Variants in PRKAR2A observed in about 807,000 individuals in gnomAD.
PRKAR2A encodes the protein protein kinase cAMP-dependent type II regulatory subunit alpha, also known as cAMP-dependent protein kinase type II-alpha regulatory subunit.
A neutral mutation model predicts 51.9 loss-of-function variants in PRKAR2A; 29 were observed. That is an observed-to-expected ratio of 0.56 (90% CI 0.42 to 0.76). The LOEUF (loss-of-function observed/expected upper bound fraction) is 0.76. PRKAR2A is among the 30% of genes least tolerant of loss of function. PRKAR2A has a pLI of 0.00. For synonymous variants in PRKAR2A, 178 were observed against 186.2 expected (o/e 0.96, Z 0.36); for missense variants, 445 against 512.1 (o/e 0.87, Z 1.26).
At chr3:48,844,302 A>G (rs1319745121) in intron 1 of PRKAR2A, among the ~76,000 whole-genome samples, 4 of 151,858 alleles carry the variant, frequency 2.6e-5, no homozygotes, top group Admixed American at 6.6e-5. Context: ...ATCTCACACC[A>G]GTTAGAATGG....
intron 5 of PRKAR2A, among the ~76,000 whole-genome samples, chr3:48,774,062 G>A (rs539301692): frequency 4.5e-4 from 68 of 152,018 alleles, no homozygotes; most frequent in African/African-American, 1.6e-3. Context: ...GGAACTCCTG[G>A]GCTCAAGCAA....
At chr3:48,811,870 A>C (rs2107373484) in intron 1 of PRKAR2A, among the ~76,000 whole-genome samples, 1 of 152,288 alleles carries the variant, frequency 6.6e-6, no homozygotes, top group African/African-American at 2.4e-5. Flanking sequence ...CTCAAAAAAG[A>C]CCACATATTG....
intron 1 of PRKAR2A, among the ~76,000 whole-genome samples, chr3:48,812,500 T>C (rs966929018): frequency 6.6e-6 from 1 of 151,764 alleles, no homozygotes; most frequent in Non-Finnish European, 1.5e-5. Context: ...TTTTTTTTTT[T>C]TTTCGAGACT....
At chr3:48,753,220 C>T (rs188927005) in intron 9 of PRKAR2A, among the ~76,000 whole-genome samples, 1 of 151,444 alleles carries the variant, frequency 6.6e-6, no homozygotes, top group Admixed American at 6.6e-5. Context: ...GGCACTCCCC[C>T]CTCCCATTTT....
At chr3:48,842,397 G>C (rs994217994) in intron 1 of PRKAR2A, among the ~76,000 whole-genome samples, 6 of 152,048 alleles carry the variant, frequency 3.9e-5, no homozygotes, top group Admixed American at 6.6e-5. Flanking sequence ...TAACTGAATA[G>C]CCTTTATTTC....
At chr3:48,769,399 C>G (rs888282557) in intron 6 of PRKAR2A, among the ~76,000 whole-genome samples, 2 of 151,682 alleles carry the variant, frequency 1.3e-5, no homozygotes, top group African/African-American at 4.8e-5. Flanking sequence ...CCTCATGATC[C>G]GCCCGCCTTG....
chr3:48,802,247 G>C (rs1354894161), intron 2 of PRKAR2A, among the ~76,000 whole-genome samples: 1 of 152,036 alleles, frequency 6.6e-6, no homozygotes, highest in Non-Finnish European at 1.5e-5. Context: ...TCACCATGTT[G>C]GCCAGGCTGA....
At chr3:48,831,031 G>A (rs924745107) in intron 1 of PRKAR2A, among the ~76,000 whole-genome samples, 1 of 152,094 alleles carries the variant, frequency 6.6e-6, no homozygotes, top group African/African-American at 2.4e-5. Context: ...CCTGCTGTGC[G>A]GCCCAGTTCC....
rs370455733 is a variant in PRKAR2A, at chr3:48,746,775, C to T, written c.*4810G>A. 2.1e-4 allele frequency: 32 copies of T among 152,132 alleles called. No homozygotes were observed. The highest frequency in any genetic ancestry group is 6.3e-4 in the African/African-American group (26 of 41,510). The allele number at this position is 152,132 out of a possible 1,614,324, so 9.4% of individuals were successfully genotyped here. ...CACTTATTCTTCTGAGATTAAAATA[C>T]AAGATTAAAACAGATTAAAATAAAA... is the stretch of plus-strand genomic sequence containing the variant. On this transcript the variant is annotated 3_prime_UTR_variant, in exon 11 of 11. Transcript: ENST00000265563.
intron 1 of PRKAR2A, among the ~76,000 whole-genome samples, chr3:48,833,159 C>T (rs940789009): frequency 1.3e-5 from 2 of 152,188 alleles, no homozygotes; most frequent in South Asian, 2.1e-4. Flanking sequence ...CCTCAGCCCC[C>T]CAAGTAGCTG....
downstream of PRKAR2A, among the ~76,000 whole-genome samples, chr3:48,745,668 G>A (rs2081555911): frequency 6.6e-6 from 1 of 150,772 alleles, no homozygotes; most frequent in African/African-American, 2.4e-5. Context: ...CCTTCCAAAT[G>A]GCTGGGATTA....
chr3:48,764,827 G>A (rs1364741049), intron 8 of PRKAR2A, among the ~76,000 whole-genome samples, 177 bp downstream of exon 8: 1 of 152,156 alleles, frequency 6.6e-6, no homozygotes, highest in African/African-American at 2.4e-5. Context: ...GTTTTACCAT[G>A]TTGGCCAGGC....
chr3:48,822,699 T>A (rs1176617842), intron 1 of PRKAR2A, among the ~76,000 whole-genome samples: 1 of 151,686 alleles, frequency 6.6e-6, no homozygotes, highest in Admixed American at 6.6e-5. Context: ...CCAAGTCAAA[T>A]GTGTTCATGA....
chr3:48,781,997 T>C (rs999198565), intron 5 of PRKAR2A, among the ~76,000 whole-genome samples: 1 of 152,212 alleles, frequency 6.6e-6, no homozygotes, highest in African/African-American at 2.4e-5. Flanking sequence ...GAAATTACTT[T>C]AAGATAAAAA....
Position 48,783,674 on chromosome 3 carries a change from G to A in PRKAR2A, c.436-582C>T, listed in dbSNP as rs190410594. On this transcript the variant is annotated intron_variant, in intron 4 of 10. Transcript: ENST00000265563. ...CAGCTCACCACAACCTCTACCTCCCGAGTTCAAGCGATTCTCCTGCCTCGG... is the reference window on the plus strand; with the variant it reads ...CAGCTCACCACAACCTCTACCTCCCAAGTTCAAGCGATTCTCCTGCCTCGG... Among the ~76,000 whole-genome samples the A allele has an allele frequency of 1.2e-4, 18 of 152,230 alleles. No individual in the cohort carries two copies. The East Asian group carries it at 2.5e-3, about 21-fold the overall frequency.
In PRKAR2A at chr3:48,840,879, CTTTTTTTTT is replaced by C. The variant is rs998914309; in HGVS notation, c.262+6447_262+6455del. Among the ~76,000 whole-genome samples, 626 of 100,750 alleles carry C rather than the reference CTTTTTTTTT, an allele frequency of 6.2e-3. 9 individuals are homozygous for C. The highest frequency in any genetic ancestry group is 0.022 in the African/African-American group (596 of 26,734). The allele number at this position is 100,750 out of a possible 152,430, so 66.1% of individuals were successfully genotyped here. A position where few individuals can be genotyped will look rare whatever the true frequency, so the allele number is the denominator to read the frequency against. On this transcript the variant is annotated intron_variant, in intron 1 of 10. Coordinates refer to ENST00000265563, the MANE Select transcript of PRKAR2A (RefSeq NM_004157.4). ...GCATGAGCCACAGGGCCTGGCCCACCTTTTTTTTTTTTTTTTTTTTTGAGACAGTTTCGC... is the reference window on the plus strand; with the variant it reads ...GCATGAGCCACAGGGCCTGGCCCACCTTTTTTTTTTTTGAGACAGTTTCGC...
At chr3:48,762,550 G>A (rs2081879127) in intron 8 of PRKAR2A, among the ~76,000 whole-genome samples, 1 of 152,112 alleles carries the variant, frequency 6.6e-6, no homozygotes, top group African/African-American at 2.4e-5. Flanking sequence ...CACAAGAATC[G>A]CTTGAACCTG....
chr3:48,822,599 A>C (rs1011426667), intron 1 of PRKAR2A, among the ~76,000 whole-genome samples: 2 of 152,194 alleles, frequency 1.3e-5, no homozygotes, highest in African/African-American at 4.8e-5. Flanking sequence ...TGTAATTAAA[A>C]CACAAGACAC....
rs532923092 is a variant in PRKAR2A at position 48,835,287 on chromosome 3, A to G, written c.262+12048T>C. Among the ~76,000 whole-genome samples, 187 of 151,728 alleles carry G rather than the reference A, an allele frequency of 1.2e-3. 2 individuals are homozygous for G. The highest frequency in any genetic ancestry group is 3.9e-3 in the African/African-American group (160 of 41,432). ...TGCTTGGCCTGGCAGATAACTTTTG[A>G]AACCAGGAGTTCGAGACCAACCTGG... On this transcript the variant is annotated intron_variant, in intron 1 of 10. Transcript: ENST00000265563.
Sources: allele counts gnomAD v4.1 joint callset (sites outside exome capture counted in the v4.1 genomes callset), GRCh38; gene constraint gnomAD v4.1.1; transcripts MANE v1.5; gene names NCBI Gene and HGNC (gene_info 2026-07-23, HGNC 2026-07-21).